Variants in KRT86 observed in about 807,000 individuals in gnomAD.
The protein encoded by KRT86 is keratin 86, also known as keratin, type II cuticular Hb6.
In KRT86, 30 loss-of-function variants were observed where a neutral mutation model predicts 41.2. The observed-to-expected ratio is 0.73, with a 90% CI of 0.54 to 0.99. The LOEUF is 0.99. Ranked by LOEUF, KRT86 falls within the 50% of genes least tolerant of loss-of-function variation. The pLI is 0.00. For synonymous variants in KRT86, 238 were observed against 238.1 expected (o/e 1.00, Z 0.00); for missense variants, 561 against 571.4 (o/e 0.98, Z 0.19).
intron 5 of KRT86, among the ~76,000 whole-genome samples, chr12:52,304,539 A>T (rs866112447): frequency 2.6e-5 from 4 of 151,848 alleles, no homozygotes; most frequent in African/African-American, 7.2e-5. Flanking sequence ...TGAGGCAGAG[A>T]CACAATCCCA....
At chr12:52,284,630 G>C (rs1005230170) in intron 2 of KRT86, among the ~76,000 whole-genome samples, 1 of 152,200 alleles carries the variant, frequency 6.6e-6, no homozygotes, top group Non-Finnish European at 1.5e-5. Flanking sequence ...TTTGATTCTA[G>C]CTTTTACAGG....
At chr12:52,302,396 G>C in intron 3 of KRT86, 111 bp downstream of exon 3, 2 of 414,656 alleles carry the variant, frequency 4.8e-6, no homozygotes, top group Non-Finnish European at 4.1e-6. Flanking sequence ...TGAGATCCCA[G>C]TCTGATGGGC....
At chr12:52,288,061 T>C (rs1214375714) in intron 2 of KRT86, 3 of 1,614,192 alleles carry the variant, frequency 1.9e-6, no homozygotes, top group Non-Finnish European at 1.7e-6. Context: ...ATCTCGGCAA[T>C]GATGCAGTCC....
At chr12:52,288,741 C>A (rs965117207) in intron 2 of KRT86, among the ~76,000 whole-genome samples, 9 of 152,032 alleles carry the variant, frequency 5.9e-5, no homozygotes, top group Non-Finnish European at 1.0e-4. Flanking sequence ...CCAGACTGAC[C>A]CCCCAGCTCT....
At chr12:52,291,464 A>G (rs745959240) in intron 2 of KRT86, 2 of 1,612,962 alleles carry the variant, frequency 1.2e-6, no homozygotes, top group Non-Finnish European at 1.7e-6. Context: ...TCCGCAGGTC[A>G]TGATCCTCCT....
chr12:52,299,988 G>A (rs1938335944), intron 2 of KRT86, among the ~76,000 whole-genome samples: 1 of 152,146 alleles, frequency 6.6e-6, no homozygotes, highest in African/African-American at 2.4e-5. Context: ...GTTGCCTTTG[G>A]TTTTGAGGTC....
intron 2 of KRT86, among the ~76,000 whole-genome samples, chr12:52,297,579 T>A (rs961536880): frequency 6.6e-6 from 1 of 152,178 alleles, no homozygotes; most frequent in Admixed American, 6.5e-5. Context: ...TAAAACCACC[T>A]AATTTGCCCA....
Position 52,308,851 on chromosome 12 carries a change from C to T in KRT86, c.*266C>T. On this transcript the variant is annotated 3_prime_UTR_variant, in exon 11 of 11. Coordinates refer to ENST00000423955, the MANE Select transcript of KRT86 (RefSeq NM_001320198.2). ...GGATTCATCTTTTTCTTCCGCCTGC[C>T]TTCTGTTTTTTTTGCTGTATACATT... is the stretch of plus-strand genomic sequence containing the variant. 1 of 484,344 alleles carries T rather than the reference C, an allele frequency of 2.1e-6. No individual in the cohort carries two copies. The highest frequency in any genetic ancestry group is 3.6e-6 in the Non-Finnish European group (1 of 277,322). 30.0% of individuals were successfully genotyped at this position (484,344 alleles called of 1,614,324 possible).
intron 2 of KRT86, among the ~76,000 whole-genome samples, chr12:52,294,081 C>T (rs973456472): frequency 3.9e-5 from 6 of 152,194 alleles, no homozygotes; most frequent in Non-Finnish European, 5.9e-5. Context: ...AAGAGTATGG[C>T]ACCTGCTGTC....
chr12:52,280,142 G>T (rs1341764730), intron 2 of KRT86, among the ~76,000 whole-genome samples: 5 of 152,206 alleles, frequency 3.3e-5, no homozygotes, highest in African/African-American at 1.2e-4. Flanking sequence ...CCACCGAGTT[G>T]TGTTAATATG....
chr12:52,286,419 C>T, intron 2 of KRT86: 1 of 1,553,432 alleles, frequency 6.4e-7, no homozygotes, highest in East Asian at 2.4e-5. Flanking sequence ...GCGCTGCAGA[C>T]ACTGCCAGTC....
chr12:52,286,897 T>G (rs1225526639), intron 2 of KRT86: 12 of 1,573,770 alleles, frequency 7.6e-6, no homozygotes, highest in South Asian at 3.4e-5. Context: ...GTTCATAGGG[T>G]AGGGTCCACA....
intron 2 of KRT86, among the ~76,000 whole-genome samples, chr12:52,282,712 T>C (rs1181192337): frequency 2.0e-5 from 3 of 152,186 alleles, no homozygotes. Context: ...CAGCAGCATC[T>C]GCCCATCACT....
chr12:52,275,897 A>C lies in KRT86; in HGVS notation c.-54A>C, dbSNP rs1237979091. 1 of 985,936 alleles carries C rather than the reference A, an allele frequency of 1.0e-6. No individual in the cohort carries two copies. Among genetic ancestry groups the C allele is most frequent in the Non-Finnish European group, 1.2e-6 (1 of 830,022 alleles). The allele number at this position is 985,936 out of a possible 1,614,324, so 61.1% of individuals were successfully genotyped here. ...AGCAAGGAGGATCTGAACAGGCTTA[A>C]TCAGGCCATCCAGTGGCTGACGGTG... On this transcript the variant is annotated 5_prime_UTR_variant, in exon 2 of 11. Coordinates refer to ENST00000423955, the MANE Select transcript of KRT86 (RefSeq NM_001320198.2).
intron 2 of KRT86, chr12:52,288,083 C>G: frequency 6.2e-7 from 1 of 1,614,178 alleles, no homozygotes; most frequent in Non-Finnish European, 8.5e-7. Flanking sequence ...TGTTCAGGTC[C>G]CGGCTGTTGT....
At chr12:52,279,405 C>G (rs910413978) in intron 2 of KRT86, among the ~76,000 whole-genome samples, 3 of 152,216 alleles carry the variant, frequency 2.0e-5, no homozygotes, top group African/African-American at 7.2e-5. Flanking sequence ...ACTGACCATC[C>G]CCAGTGCAGA....
intron 2 of KRT86, among the ~76,000 whole-genome samples, chr12:52,299,570 C>A (rs942323092): frequency 6.6e-6 from 1 of 152,178 alleles, no homozygotes; most frequent in Non-Finnish European, 1.5e-5. Context: ...TAGCAGTGTA[C>A]AAGTGTTCCC....
intron 1 of KRT86, 93 bp from the exon 2 acceptor site, chr12:52,275,728 C>A: frequency 5.2e-6 from 2 of 381,948 alleles, no homozygotes; most frequent in Non-Finnish European, 7.2e-6. Flanking sequence ...CCCAGAGAAG[C>A]TAGGTGACCA....
chr12:52,308,351 TCACC>T, intron 10 of KRT86, 49 bp from the exon 11 acceptor site: 3 of 1,612,122 alleles, frequency 1.9e-6, no homozygotes, highest in Non-Finnish European at 2.5e-6. Flanking sequence ...GCAAAGCCAC[TCACC>T]CAGGTCGCGG....
Sources: gnomAD v4.1 joint callset for allele counts (sites outside exome capture counted in the v4.1 genomes callset) on GRCh38, gnomAD v4.1.1 for gene constraint, MANE v1.5 for transcripts, NCBI Gene and HGNC (gene_info 2026-07-23, HGNC 2026-07-21) for gene names.